MARCHF1: variants seen among roughly 807,000 people sequenced by gnomAD.
MARCHF1 encodes membrane associated ring-CH-type finger 1, also known as E3 ubiquitin-protein ligase MARCHF1.
A neutral mutation model predicts 54.2 loss-of-function variants in MARCHF1; 40 were observed. The observed-to-expected ratio is 0.74, with a 90% CI of 0.57 to 0.96. The LOEUF (loss-of-function observed/expected upper bound fraction) is 0.96, where lower values mean the gene tolerates loss of function less well. Among genes scored for constraint, MARCHF1 ranks in the 40% least tolerant of loss-of-function variants. The pLI, the probability that MARCHF1 is intolerant of heterozygous loss-of-function variation, is 0.00. For synonymous variants in MARCHF1, 236 were observed against 236.3 expected (o/e 1.00, Z 0.01); for missense variants, 586 against 656.5 (o/e 0.89, Z 1.17).
intron 1 of MARCHF1, among the ~76,000 whole-genome samples, chr4:164,242,879 C>A (rs1732818327): frequency 1.4e-5 from 2 of 147,576 alleles, no homozygotes; most frequent in Non-Finnish European, 3.0e-5. Flanking sequence ...AGGGTATCAG[C>A]AATGGAAGAT....
chr4:163,886,199 A>G (rs1200618854), intron 3 of MARCHF1, among the ~76,000 whole-genome samples: 3 of 150,360 alleles, frequency 2.0e-5, no homozygotes, highest in Non-Finnish European at 4.4e-5. Flanking sequence ...CTATAGATCT[A>G]TCTCTCAATA....
At chr4:164,009,129 A>C (rs541580696) in intron 2 of MARCHF1, among the ~76,000 whole-genome samples, 19 of 152,150 alleles carry the variant, frequency 1.2e-4, no homozygotes, top group African/African-American at 4.1e-4. Context: ...GAATATGTAA[A>C]AACTGAGACC....
At chr4:164,178,298 C>T (rs537239819) in intron 1 of MARCHF1, among the ~76,000 whole-genome samples, 10 of 152,250 alleles carry the variant, frequency 6.6e-5, no homozygotes, top group African/African-American at 2.4e-4. Flanking sequence ...TCCACCTGCT[C>T]AACCTTGATA....
chr4:163,788,324 A>G (rs1156371327), intron 4 of MARCHF1, among the ~76,000 whole-genome samples: 1 of 152,018 alleles, frequency 6.6e-6, no homozygotes, highest in Non-Finnish European at 1.5e-5. Flanking sequence ...TAATAGTAGC[A>G]TTTTACCGAT....
rs752246690 is a variant in MARCHF1, at chr4:164,064,253, G to A, written c.-248+47335C>T. Among the ~76,000 whole-genome samples, 7 of 152,068 alleles carry A rather than the reference G, an allele frequency of 4.6e-5. No individual in the cohort carries two copies. The South Asian group carries it at 6.2e-4, about 13-fold the overall frequency. ...ATTGAATCTATAAATTGTTTTGGGTGGTATGGCCATTTTAATGATATTGAT... is the reference window on the plus strand; with the variant it reads ...ATTGAATCTATAAATTGTTTTGGGTAGTATGGCCATTTTAATGATATTGAT... On this transcript the variant is annotated intron_variant, in intron 2 of 9. Coordinates refer to ENST00000514618, the MANE Select transcript of MARCHF1 (RefSeq NM_001394959.1).
At chr4:164,185,954 C>T (rs1468209599) in intron 1 of MARCHF1, among the ~76,000 whole-genome samples, 1 of 152,116 alleles carries the variant, frequency 6.6e-6, no homozygotes, top group Non-Finnish European at 1.5e-5. Flanking sequence ...AGTGCAGTGG[C>T]GTGACCTCGG....
intron 1 of MARCHF1, among the ~76,000 whole-genome samples, chr4:164,279,518 CTA>C (rs923253589): frequency 1.4e-4 from 21 of 151,408 alleles, no homozygotes; most frequent in African/African-American, 4.6e-4. Context: ...ATCTAAAAAA[CTA>C]GAAGAAAATG....
chr4:163,873,016 C>CAG (rs556715844), intron 3 of MARCHF1, among the ~76,000 whole-genome samples: 91 of 152,044 alleles, frequency 6.0e-4, no homozygotes, highest in African/African-American at 2.1e-3. Flanking sequence ...TGCACTCCAG[C>CAG]CTGGGCGACA....
At chr4:164,323,179 T>C (rs1735186310) in intron 1 of MARCHF1, among the ~76,000 whole-genome samples, 1 of 151,926 alleles carries the variant, frequency 6.6e-6, no homozygotes, top group Non-Finnish European at 1.5e-5. Flanking sequence ...AGGTTAGCTA[T>C]GCTGATCATA....
chr4:163,562,349 C>T (rs551073799), intron 8 of MARCHF1, among the ~76,000 whole-genome samples: 12 of 152,102 alleles, frequency 7.9e-5, no homozygotes, highest in Non-Finnish European at 1.8e-4. Context: ...TCCACTGTAA[C>T]TACTCTTGCC....
chr4:164,197,507 C>A (rs1329396220), intron 1 of MARCHF1: 1 of 1,613,366 alleles, frequency 6.2e-7, no homozygotes, highest in African/African-American at 1.3e-5. Flanking sequence ...ACTCTTAGTT[C>A]AAGCTTTCTC....
chr4:164,143,760 T>C (rs1037211508), intron 1 of MARCHF1, among the ~76,000 whole-genome samples: 1 of 152,048 alleles, frequency 6.6e-6, no homozygotes, highest in African/African-American at 2.4e-5. Flanking sequence ...AGAAACTGCA[T>C]CAACTAATGA....
intron 3 of MARCHF1, among the ~76,000 whole-genome samples, chr4:163,983,520 G>T (rs926901026): frequency 1.3e-5 from 2 of 152,034 alleles, no homozygotes; most frequent in Non-Finnish European, 2.9e-5. Flanking sequence ...GTAACAAAAA[G>T]AAAACAAAAC....
chr4:164,192,586 A>G (rs1053338780), intron 1 of MARCHF1, among the ~76,000 whole-genome samples: 1 of 152,100 alleles, frequency 6.6e-6, no homozygotes, highest in Non-Finnish European at 1.5e-5. Context: ...TTCAAGTGGC[A>G]AGTTACAAGT....
chr4:164,244,301 T>A (rs1732871929), intron 1 of MARCHF1, among the ~76,000 whole-genome samples: 2 of 152,028 alleles, frequency 1.3e-5, no homozygotes, highest in South Asian at 2.1e-4. Context: ...GGATTAAGAA[T>A]CTCACTCAAA....
intron 1 of MARCHF1, among the ~76,000 whole-genome samples, chr4:164,362,337 T>C (rs2110928880): frequency 6.6e-6 from 1 of 152,256 alleles, no homozygotes; most frequent in Admixed American, 6.5e-5. Context: ...TAGAGGAAAA[T>C]AGTGATGTAC....
At chr4:164,064,495 G>A (rs113344906) in intron 2 of MARCHF1, among the ~76,000 whole-genome samples, 2 of 152,102 alleles carry the variant, frequency 1.3e-5, no homozygotes, top group Non-Finnish European at 1.5e-5. Flanking sequence ...TTTGCATGTC[G>A]ATTTTGTATC....
chr4:163,755,513 T>G (rs956333987), intron 4 of MARCHF1, among the ~76,000 whole-genome samples: 1 of 152,142 alleles, frequency 6.6e-6, no homozygotes, highest in Non-Finnish European at 1.5e-5. Flanking sequence ...AAATTTAATT[T>G]CAAACTTAAC....
At position 163,526,837 on chromosome 4, in the gene MARCHF1, A is replaced by G. The variant is rs1683896407; in HGVS notation, c.*1911T>C. The stretch of plus-strand genomic sequence containing the variant: ...ATATATACATGACTACACACACGCC[A>G]TACACACACACAAAATTGACATTGT... On this transcript the variant is annotated 3_prime_UTR_variant, in exon 10 of 10. Transcript: ENST00000514618. The G allele has an allele frequency of 6.6e-6, 1 of 151,936 alleles. No homozygotes were observed. The highest frequency in any genetic ancestry group is 2.4e-5 in the African/African-American group (1 of 41,414). The allele number at this position is 151,936 out of a possible 1,614,324, so 9.4% of individuals were successfully genotyped here.
Sources: allele counts gnomAD v4.1 joint callset (sites outside exome capture counted in the v4.1 genomes callset), GRCh38; gene constraint gnomAD v4.1.1; transcripts MANE v1.5; gene names NCBI Gene and HGNC (gene_info 2026-07-23, HGNC 2026-07-21).